The following TCF4 variants were observed in gnomAD, a reference collection of about 807,000 sequenced individuals.
TCF4 encodes the protein transcription factor 4.
A neutral mutation model predicts 82.1 loss-of-function variants in TCF4; 3 were observed. The observed-to-expected ratio is 0.04, with a 90% CI of 0.02 to 0.09. The LOEUF is 0.09. TCF4 is among the 10% of genes least tolerant of loss of function. TCF4 has a pLI of 1.00. For missense variants in TCF4, 518 were observed against 852.7 expected (o/e 0.61, Z 4.89); for synonymous variants, 276 against 309.6 (o/e 0.89, Z 1.14).
At chr18:55,492,369 T>C (rs1165624057) in intron 3 of TCF4, 2 of 152,230 alleles carry the variant, frequency 1.3e-5, no homozygotes, top group Non-Finnish European at 2.9e-5. Context: ...TTTATATGCA[T>C]GCTTCTTTAA....
chr18:55,239,801 C>T (rs2050677639), intron 15 of TCF4, among the ~76,000 whole-genome samples: 1 of 152,170 alleles, frequency 6.6e-6, no homozygotes, highest in Admixed American at 6.5e-5. Flanking sequence ...ATATCCTTGT[C>T]CTTATCCTCT....
At chr18:55,239,362 C>T (rs1433555841) in intron 15 of TCF4, among the ~76,000 whole-genome samples, 1 of 152,224 alleles carries the variant, frequency 6.6e-6, no homozygotes, top group Admixed American at 6.5e-5. Flanking sequence ...GACTTAAGAT[C>T]CAACTTTCGA....
At chr18:55,399,880 TCACACACACACACACACA>T (rs398041380) in intron 6 of TCF4, among the ~76,000 whole-genome samples, 5 of 63,468 alleles carry the variant, frequency 7.9e-5, no homozygotes, top group Non-Finnish European at 1.5e-4. Context: ...TCTCTCTCTC[TCACACACACACACACACA>T]CACACACACA....
chr18:55,436,920 TTGAC>T (rs781625261), intron 5 of TCF4, among the ~76,000 whole-genome samples: 10 of 152,358 alleles, frequency 6.6e-5, no homozygotes, highest in Admixed American at 3.3e-4. Flanking sequence ...TAAAAAGTCT[TTGAC>T]TGCACAAAAT....
At chr18:55,400,962 C>G (rs1356268423) in intron 6 of TCF4, 2 of 1,288,966 alleles carry the variant, frequency 1.6e-6, no homozygotes, top group Admixed American at 2.3e-5. Context: ...ATGTAGTAAA[C>G]AGAAGAAAAC....
At chr18:55,319,436 T>C (rs1322323428) in intron 8 of TCF4, among the ~76,000 whole-genome samples, 2 of 152,170 alleles carry the variant, frequency 1.3e-5, no homozygotes, top group Non-Finnish European at 2.9e-5. Context: ...TGGACTTTGC[T>C]GTCTGTTTCA....
rs140893970 is a variant in TCF4, at chr18:55,303,108, C to T, written c.550-23452G>A. Reference sequence around the variant, plus strand: ...AAGGTTGAAGGTGTTTAAGACGTGGCAAGTAAACTTGCCATAGAAATAATG... The same window carrying T: ...AAGGTTGAAGGTGTTTAAGACGTGGTAAGTAAACTTGCCATAGAAATAATG... On this transcript the variant is annotated intron_variant, in intron 8 of 19. Transcript: ENST00000354452. Among the ~76,000 whole-genome samples the T allele has an allele frequency of 3.4e-4, 51 of 152,166 alleles. 2 individuals carry two copies. The South Asian group carries it at 8.3e-3, about 25-fold the overall frequency.
chr18:55,455,179 C>CAAAAAAAAAA (rs35889370), intron 5 of TCF4, among the ~76,000 whole-genome samples: 33 of 67,470 alleles, frequency 4.9e-4, no homozygotes, highest in African/African-American at 1.4e-3. Flanking sequence ...GACTCTGTCT[C>CAAAAAAAAAA]AAAAAAAAAA....
intron 5 of TCF4, among the ~76,000 whole-genome samples, chr18:55,438,011 G>A (rs992827506): frequency 6.6e-6 from 1 of 152,048 alleles, no homozygotes; most frequent in Admixed American, 6.6e-5. Flanking sequence ...GACCAGCCTG[G>A]CCAACATGGT....
chr18:55,627,491 C>T (rs933924522), intron 2 of TCF4, among the ~76,000 whole-genome samples: 2 of 152,184 alleles, frequency 1.3e-5, no homozygotes, highest in African/African-American at 2.4e-5. Flanking sequence ...AGGCTGGGCG[C>T]AGTGGCTCAC....
chr18:55,371,423 A>G (rs1455304451), intron 6 of TCF4, among the ~76,000 whole-genome samples: 1 of 152,240 alleles, frequency 6.6e-6, no homozygotes, highest in African/African-American at 2.4e-5. Context: ...TGTGGACAGG[A>G]GACATTCACT....
intron 11 of TCF4, among the ~76,000 whole-genome samples, chr18:55,262,410 T>G (rs909194072): frequency 6.6e-6 from 1 of 152,214 alleles, no homozygotes; most frequent in African/African-American, 2.4e-5. Flanking sequence ...TGCCTAGCAC[T>G]TGGGGTATGT....
At chr18:55,333,944 A>T (rs2078105102) in intron 8 of TCF4, among the ~76,000 whole-genome samples, 1 of 151,706 alleles carries the variant, frequency 6.6e-6, no homozygotes, top group Admixed American at 6.6e-5. Context: ...AATTATATAA[A>T]CTCCTCCAGA....
intron 3 of TCF4, among the ~76,000 whole-genome samples, chr18:55,555,966 T>C (rs2097300251): frequency 6.6e-6 from 1 of 152,212 alleles, no homozygotes; most frequent in Non-Finnish European, 1.5e-5. Flanking sequence ...CTGGTAAGAA[T>C]GGAGTTCTTT....
chr18:55,282,180 TATAA>T (rs1437924456), intron 8 of TCF4, among the ~76,000 whole-genome samples: 3 of 152,100 alleles, frequency 2.0e-5, no homozygotes, highest in East Asian at 1.9e-4. Context: ...TTTTTGTTTA[TATAA>T]ATAAATAAAT....
At chr18:55,380,601 GC>G (rs1221460751) in intron 6 of TCF4, among the ~76,000 whole-genome samples, 1 of 152,106 alleles carries the variant, frequency 6.6e-6, no homozygotes, top group Non-Finnish European at 1.5e-5. Flanking sequence ...ACACAAACAA[GC>G]AGCCCAAAAC....
At chr18:55,245,106 G>A (rs2052619068) in intron 15 of TCF4, among the ~76,000 whole-genome samples, 1 of 152,170 alleles carries the variant, frequency 6.6e-6, no homozygotes, top group Non-Finnish European at 1.5e-5. Flanking sequence ...AACCAAATAG[G>A]TAGAACCCTC....
intron 3 of TCF4, among the ~76,000 whole-genome samples, chr18:55,577,376 T>C (rs1026443313): frequency 2.6e-5 from 4 of 151,296 alleles, no homozygotes; most frequent in African/African-American, 9.7e-5. Flanking sequence ...ATTCCCAACA[T>C]ATTAAAACCC....
rs1433618809 is a variant in TCF4 at position 55,222,366 on chromosome 18, C to T, written c.*5669G>A. ...GGCTCTTTTATATATATTTAAAACA[C>T]ACAGTAAGAACATAAGAACATCTCA... On this transcript the variant is annotated 3_prime_UTR_variant, in exon 20 of 20. Coordinates refer to ENST00000354452, the MANE Select transcript of TCF4 (RefSeq NM_001083962.2). 4 of 150,786 alleles carry T rather than the reference C, an allele frequency of 2.7e-5. No homozygotes were observed. Among genetic ancestry groups the T allele is most frequent in the Non-Finnish European group, 5.9e-5 (4 of 67,790 alleles). The allele number at this position is 150,786 out of a possible 1,614,324, so 9.3% of individuals were successfully genotyped here. A position where few individuals can be genotyped will look rare whatever the true frequency, so the allele number is the denominator to read the frequency against.
Sources: gnomAD v4.1 joint callset for allele counts (sites outside exome capture counted in the v4.1 genomes callset) on GRCh38, gnomAD v4.1.1 for gene constraint, MANE v1.5 for transcripts, NCBI Gene and HGNC (gene_info 2026-07-23, HGNC 2026-07-21) for gene names.